The following NR3C2 variants were observed in gnomAD, a reference collection of about 807,000 sequenced individuals.
NR3C2 encodes the protein nuclear receptor subfamily 3 group C member 2, also known as mineralocorticoid receptor.
A neutral mutation model predicts 86.4 loss-of-function variants in NR3C2; 15 were observed. The ratio of observed to expected loss-of-function variants is 0.17; its 90% CI spans 0.12 to 0.27. The LOEUF is 0.27. NR3C2 is among the 10% of genes least tolerant of loss of function. NR3C2 has a pLI of 1.00. For synonymous variants in NR3C2, 458 were observed against 450.5 expected (o/e 1.02, Z -0.21); for missense variants, 960 against 1,195.6 (o/e 0.80, Z 2.91).
intron 6 of NR3C2, among the ~76,000 whole-genome samples, chr4:148,136,198 C>T (rs1316453745): frequency 2.6e-5 from 4 of 150,960 alleles, no homozygotes; most frequent in Non-Finnish European, 5.9e-5. Context: ...AAAGGCAAGA[C>T]AATGGGATGT....
intron 2 of NR3C2, among the ~76,000 whole-genome samples, chr4:148,295,753 G>T (rs1219396797): frequency 6.6e-6 from 1 of 151,646 alleles, no homozygotes; most frequent in Non-Finnish European, 1.5e-5. Context: ...AATCCATGTA[G>T]ACTAATTCTT....
rs1048669315 is a variant in NR3C2 at position 148,436,802 on chromosome 4, C to G, written c.59G>C (p.Gly20Ala). 1.2e-6 allele frequency: 2 copies of G among 1,613,026 alleles called. No homozygotes were observed. The highest frequency in any genetic ancestry group is 1.7e-6 in the Non-Finnish European group (2 of 1,179,844). ...ACGCTCCACAGCCTGAGAAACTTGA[C>G]CCCACCGTCTTTCCATATCTAGACC... ...PEGLDMERRWGQVSQAVERSS... is the reference protein window; with the variant it reads ...PEGLDMERRWAQVSQAVERSS... Residue 20 changes from glycine to alanine, a missense_variant, in exon 2 of 9, where the codon GGT becomes GCT. Physicochemically the swap from Gly to Ala is moderately conservative, Grantham distance 60. Around this residue, in one of 4 missense-constraint regions of NR3C2, gnomAD observed 680 missense variants for 719.0 expected, o/e 0.95. Coordinates refer to ENST00000358102, the MANE Select transcript of NR3C2 (RefSeq NM_000901.5).
At chr4:148,239,368 C>T (rs967926083) in intron 3 of NR3C2, among the ~76,000 whole-genome samples, 10 of 152,222 alleles carry the variant, frequency 6.6e-5, no homozygotes, top group Non-Finnish European at 1.0e-4. Flanking sequence ...CAGGCCTATG[C>T]AAGGCATGGA....
At chr4:148,442,645 T>C (rs72646918), upstream of NR3C2, 299 of 985,432 alleles carry the variant, frequency 3.0e-4, 3 homozygotes, top group African/African-American at 5.0e-3. Context: ...TATTGGACAA[T>C]CCAGGCTGTC....
chr4:148,331,211 C>T (rs766081915), intron 2 of NR3C2, among the ~76,000 whole-genome samples: 4 of 151,972 alleles, frequency 2.6e-5, no homozygotes, highest in Non-Finnish European at 5.9e-5. Context: ...TGTCATTTTG[C>T]TAGTAGTAAA....
At chr4:148,177,635 T>C (rs980888608) in intron 4 of NR3C2, among the ~76,000 whole-genome samples, 1 of 152,208 alleles carries the variant, frequency 6.6e-6, no homozygotes, top group African/African-American at 2.4e-5. Context: ...ATGCAATGTT[T>C]ACAACTTTGA....
At chr4:148,336,671 T>C (rs1744505278) in intron 2 of NR3C2, among the ~76,000 whole-genome samples, 1 of 152,188 alleles carries the variant, frequency 6.6e-6, no homozygotes, top group African/African-American at 2.4e-5. Flanking sequence ...AACAGAGTTT[T>C]CTAGATTTTG....
At chr4:148,401,625 G>A (rs569047617) in intron 2 of NR3C2, among the ~76,000 whole-genome samples, 11 of 151,908 alleles carry the variant, frequency 7.2e-5, no homozygotes, top group South Asian at 2.1e-4. Flanking sequence ...CACCACGCCC[G>A]GCTAATTTTT....
At chr4:148,256,672 T>A (rs1561003695) in intron 3 of NR3C2, among the ~76,000 whole-genome samples, 1 of 152,142 alleles carries the variant, frequency 6.6e-6, no homozygotes, top group Admixed American at 6.5e-5. Flanking sequence ...ACCCTTTTTT[T>A]AAGTTATTAT....
At chr4:148,103,982 G>T (rs72959798) in intron 8 of NR3C2, among the ~76,000 whole-genome samples, 3,111 of 152,138 alleles carry the variant, frequency 0.02, 91 homozygotes, top group African/African-American at 0.071. Flanking sequence ...TATATTTGTT[G>T]CATTTTCCCA....
intron 2 of NR3C2, among the ~76,000 whole-genome samples, chr4:148,338,384 T>A (rs368932694): frequency 1.3e-5 from 2 of 152,194 alleles, no homozygotes; most frequent in Non-Finnish European, 1.5e-5. Flanking sequence ...ATGGGATTTT[T>A]AAAAATGTTA....
intron 2 of NR3C2, among the ~76,000 whole-genome samples, chr4:148,283,473 G>T (rs1476657133): frequency 6.6e-6 from 1 of 152,134 alleles, no homozygotes; most frequent in Non-Finnish European, 1.5e-5. Context: ...AACTCTCAGT[G>T]TTTTTCCCAT....
chr4:148,379,101 A>C (rs1746827368), intron 2 of NR3C2, among the ~76,000 whole-genome samples: 1 of 152,222 alleles, frequency 6.6e-6, no homozygotes, highest in South Asian at 2.1e-4. Context: ...ACAAGAGATT[A>C]AGCACTACTA....
intron 4 of NR3C2, among the ~76,000 whole-genome samples, chr4:148,155,714 C>T (rs1030625672): frequency 8.8e-4 from 133 of 150,428 alleles, no homozygotes; most frequent in Non-Finnish European, 1.4e-3. Context: ...TCAATGCCAT[C>T]CCCATCAAGC....
chr4:148,319,075 A>C (rs1743399072), intron 2 of NR3C2, among the ~76,000 whole-genome samples: 1 of 151,850 alleles, frequency 6.6e-6, no homozygotes, highest in South Asian at 2.1e-4. Flanking sequence ...GAAGGGATCC[A>C]GTTTCAGCTT....
In NR3C2 at chr4:148,221,909, A is replaced by G. The variant is rs958601761; in HGVS notation, c.1898-27047T>C. ...ACTCTGTCTTAAAAAAAAAAAAAAAAAAAGAAAAAGTGCTACAATCTCAAT... is the reference window on the plus strand; with the variant it reads ...ACTCTGTCTTAAAAAAAAAAAAAAAGAAAGAAAAAGTGCTACAATCTCAAT... On this transcript the variant is annotated intron_variant, in intron 3 of 8. Transcript: ENST00000358102. Among the ~76,000 whole-genome samples the G allele has an allele frequency of 1.6e-4, 24 of 151,396 alleles. No individual in the cohort carries two copies. The East Asian group carries it at 4.1e-3, about 26-fold the overall frequency.
chr4:148,327,789 A>G (rs979468891), intron 2 of NR3C2, among the ~76,000 whole-genome samples: 1 of 152,180 alleles, frequency 6.6e-6, no homozygotes, highest in African/African-American at 2.4e-5. Flanking sequence ...CTCAGCACAG[A>G]CTTAACCTGC....
intron 6 of NR3C2, among the ~76,000 whole-genome samples, chr4:148,143,340 G>A (rs1469646828): frequency 6.6e-6 from 1 of 152,168 alleles, no homozygotes; most frequent in Non-Finnish European, 1.5e-5. Flanking sequence ...TTTTGCTGTT[G>A]TCATATACAA....
intron 8 of NR3C2, among the ~76,000 whole-genome samples, chr4:148,082,401 T>C (rs1341362932): frequency 1.3e-5 from 2 of 152,132 alleles, no homozygotes; most frequent in Non-Finnish European, 2.9e-5. Flanking sequence ...ACGGTGGGTG[T>C]AGCCCACAGA....
Sources: gnomAD v4.1 joint callset for allele counts (sites outside exome capture counted in the v4.1 genomes callset) on GRCh38, gnomAD v4.1.1 for gene constraint, gnomAD v4.1.1 regional missense constraint, MANE v1.5 for transcripts, NCBI Gene and HGNC (gene_info 2026-07-23, HGNC 2026-07-21) for gene names.